CRISP1: variants seen among roughly 807,000 people sequenced by gnomAD.
CRISP1 encodes cysteine rich secretory protein 1.
A neutral mutation model predicts 33.1 loss-of-function variants in CRISP1; 44 were observed. The observed-to-expected ratio is 1.33, with a 90% CI of 1.05 to 1.71. The LOEUF is 1.71. CRISP1 is among the 40% of genes most tolerant of loss of function. The probability of loss-of-function intolerance (pLI) is 0.00; values close to 1 mark genes in which losing one functional copy is unlikely to be tolerated. For synonymous variants in CRISP1, 103 were observed against 98.7 expected, an observed-to-expected ratio of 1.04 and a Z score of -0.26; for missense variants, 390 against 301.2, an observed-to-expected ratio of 1.29 and a Z score of -2.18.
chr6:49,847,804 C>T lies in CRISP1; in HGVS notation c.286+405G>A, dbSNP rs192374697. 1.2e-3 allele frequency among the ~76,000 whole-genome samples: 187 copies of T among 152,186 alleles called. 1 individual carries two copies. The highest frequency in any genetic ancestry group is 4.2e-3 in the African/African-American group (174 of 41,542). ...TTGTCTTATGGGCAGCTGAGCAGGG[C>T]TGCATATAACTTATTTCTCAACTGC... is the stretch of plus-strand genomic sequence containing the variant. On this transcript the variant is annotated intron_variant, in intron 4 of 7. Coordinates refer to ENST00000335847, the MANE Select transcript of CRISP1 (RefSeq NM_001131.3).
chr6:49,835,561 T>A, intron 7 of CRISP1, 118 bp from the exon 8 acceptor site: 1 of 963,940 alleles, frequency 1.0e-6, no homozygotes, highest in African/African-American at 1.7e-5. Context: ...GCTAACTAAA[T>A]TTAATTAGCA....
At chr6:49,875,262 T>C (rs1772011632) in intron 1 of CRISP1, among the ~76,000 whole-genome samples, 1 of 151,884 alleles carries the variant, frequency 6.6e-6, no homozygotes, top group Non-Finnish European at 1.5e-5. Flanking sequence ...TATTCCTATA[T>C]ACCAACAAGA....
chr6:49,841,023 C>G, intron 5 of CRISP1, 28 bp from the exon 6 acceptor site: 1 of 1,540,372 alleles, frequency 6.5e-7, no homozygotes, highest in South Asian at 1.1e-5. Flanking sequence ...TGTTTTATTA[C>G]AGATTAAATA....
At chr6:49,854,885 C>T (rs1208816326) in intron 2 of CRISP1, among the ~76,000 whole-genome samples, 1 of 152,060 alleles carries the variant, frequency 6.6e-6, no homozygotes, top group Non-Finnish European at 1.5e-5. Flanking sequence ...CCTGCAAGGC[C>T]CAGAACAGCC....
intron 5 of CRISP1, among the ~76,000 whole-genome samples, chr6:49,841,350 G>T (rs1360187863): frequency 6.6e-6 from 1 of 152,136 alleles, no homozygotes; most frequent in Non-Finnish European, 1.5e-5. Flanking sequence ...TTTTCTCTGG[G>T]ATAGGAGAGA....
At chr6:49,848,728 A>G (rs1018171799) in intron 3 of CRISP1, among the ~76,000 whole-genome samples, 3 of 152,158 alleles carry the variant, frequency 2.0e-5, no homozygotes, top group African/African-American at 7.2e-5. Flanking sequence ...AAGGAATACA[A>G]CTGAGATGTG....
rs771766264 is a variant in CRISP1, at chr6:49,857,379, A to C, written c.22T>G (p.Phe8Val). MEIKHLL[F>V]LVAAACLLPM... ...AGTAAGCAAGCAGCAGCAACCAAAA[A>C]CAAGAGGTGTTTAATTTCCATCCCT... The change falls in exon 2 of 8, where the codon TTT (phenylalanine) becomes GTT (valine). Residue 8 changes from phenylalanine (F) to valine (V), a missense_variant. Phe to Val is a conservative substitution (Grantham distance 50). Coordinates refer to ENST00000335847, the MANE Select transcript of CRISP1 (RefSeq NM_001131.3). 1.2e-6 allele frequency: 2 copies of C among 1,612,856 alleles called. No individual in the cohort carries two copies. The highest frequency in any genetic ancestry group is 2.7e-5 in the African/African-American group (2 of 74,878).
chr6:49,876,715 C>T, intron 1 of CRISP1, among the ~76,000 whole-genome samples: 1 of 151,798 alleles, frequency 6.6e-6, no homozygotes, highest in Admixed American at 6.6e-5. Flanking sequence ...TAAAGAAGAA[C>T]ACGATTATGT....
At chr6:49,848,966 A>T (rs1771268573) in intron 3 of CRISP1, among the ~76,000 whole-genome samples, 2 of 152,160 alleles carry the variant, frequency 1.3e-5, no homozygotes, top group African/African-American at 4.8e-5. Flanking sequence ...ATGTTAAGTA[A>T]CTTTTCGGGG....
chr6:49,852,629 A>G (rs1334726644), intron 2 of CRISP1, among the ~76,000 whole-genome samples: 1 of 152,200 alleles, frequency 6.6e-6, no homozygotes, highest in Non-Finnish European at 1.5e-5. Context: ...AAGTGTTATT[A>G]ACACAAATTC....
chr6:49,846,878 G>A (rs931933477), intron 4 of CRISP1, among the ~76,000 whole-genome samples: 2 of 152,104 alleles, frequency 1.3e-5, no homozygotes, highest in African/African-American at 4.8e-5. Flanking sequence ...GTTGATAGTA[G>A]GTGATGAACA....
chr6:49,844,218 A>T (rs987594137), intron 5 of CRISP1, among the ~76,000 whole-genome samples: 1 of 152,190 alleles, frequency 6.6e-6, no homozygotes, highest in East Asian at 1.9e-4. Flanking sequence ...TGATTTATGG[A>T]TTTAATCATA....
At chr6:49,856,591 A>G (rs1411800214) in intron 2 of CRISP1, among the ~76,000 whole-genome samples, 1 of 152,156 alleles carries the variant, frequency 6.6e-6, no homozygotes, top group Admixed American at 6.6e-5. Flanking sequence ...TTTCCACAAT[A>G]AAACTAAGTG....
chr6:49,835,282 G>A lies in CRISP1; in HGVS notation c.*34C>T, dbSNP rs376006898. On this transcript the variant is annotated 3_prime_UTR_variant, in exon 8 of 8. Coordinates refer to ENST00000335847, the MANE Select transcript of CRISP1 (RefSeq NM_001131.3). ...ATCCAACAGACATCTCCTCCTCATC[G>A]TCACAGCATAGAACAGTTGAAAATA... 1.1e-5 allele frequency: 18 copies of A among 1,601,390 alleles called. No homozygotes were observed. The highest frequency in any genetic ancestry group is 1.7e-4 in the Middle Eastern group (1 of 6,008).
Position 49,835,042 on chromosome 6 carries a change from C to A in CRISP1, c.*274G>T. The A allele has an allele frequency of 3.8e-6, 1 of 265,796 alleles. No homozygotes were observed. The highest frequency in any genetic ancestry group is 5.2e-5 in the Admixed American group (1 of 19,086). 16.5% of individuals were successfully genotyped at this position (265,796 alleles called of 1,614,324 possible). ...TTAGCCCAGGTTACTGTTGAGGGACCCAGTTATACCATAAGTTGAATTATG... is the reference window on the plus strand; with the variant it reads ...TTAGCCCAGGTTACTGTTGAGGGACACAGTTATACCATAAGTTGAATTATG... On this transcript the variant is annotated 3_prime_UTR_variant, in exon 8 of 8. Coordinates refer to ENST00000335847, the MANE Select transcript of CRISP1 (RefSeq NM_001131.3).
intron 1 of CRISP1, among the ~76,000 whole-genome samples, chr6:49,873,700 A>G (rs1271620582): frequency 2.0e-5 from 3 of 152,102 alleles, no homozygotes; most frequent in Admixed American, 1.3e-4. Flanking sequence ...TGTATTGCTT[A>G]TATTATTGGT....
intron 1 of CRISP1, among the ~76,000 whole-genome samples, chr6:49,872,561 C>T (rs9381824): frequency 1 from 151,461 of 152,102 alleles, 75,417 homozygotes; most frequent in Middle Eastern, 1. Flanking sequence ...TTAATCCATC[C>T]TGAATTAATT....
upstream of CRISP1, among the ~76,000 whole-genome samples, chr6:49,870,971 C>T (rs918449205): frequency 2.0e-5 from 3 of 151,838 alleles, no homozygotes; most frequent in Non-Finnish European, 4.4e-5. Flanking sequence ...TGTGGTTGTG[C>T]GTGCCTGTAA....
At chr6:49,858,201 T>G (rs923244045) in intron 1 of CRISP1, among the ~76,000 whole-genome samples, 1 of 152,200 alleles carries the variant, frequency 6.6e-6, no homozygotes, top group Non-Finnish European at 1.5e-5. Flanking sequence ...AGCATGGTTG[T>G]CATTATGAGT....
Sources: gnomAD v4.1 joint callset for allele counts (sites outside exome capture counted in the v4.1 genomes callset) on GRCh38, gnomAD v4.1.1 for gene constraint, MANE v1.5 for transcripts, NCBI Gene and HGNC (gene_info 2026-07-23, HGNC 2026-07-21) for gene names.